FOCAD: variants seen among roughly 807,000 people sequenced by gnomAD.
FOCAD encodes the protein KIAA1797.
A neutral mutation model predicts 225.6 loss-of-function variants in FOCAD; 198 were observed. The ratio of observed to expected loss-of-function variants is 0.88; its 90% confidence interval spans 0.78 to 0.99. The LOEUF (loss-of-function observed/expected upper bound fraction) is 0.99, where lower values mean the gene tolerates loss of function less well. Among genes scored for constraint, FOCAD ranks in the 50% least tolerant of loss-of-function variants. FOCAD has a pLI of 0.00. For synonymous variants in FOCAD, 897 were observed against 755.0 expected (o/e 1.19, Z -3.08); for missense variants, 2,713 against 2,123.6 (o/e 1.28, Z -5.46).
At chr9:20,772,041 C>G (rs1027815005) in intron 8 of FOCAD, among the ~76,000 whole-genome samples, 1 of 152,106 alleles carries the variant, frequency 6.6e-6, no homozygotes, top group Non-Finnish European at 1.5e-5. Flanking sequence ...TGAGAGGACA[C>G]AGTTCAGCCC....
intron 4 of FOCAD, among the ~76,000 whole-genome samples, chr9:20,725,481 A>G (rs1013994845): frequency 2.0e-5 from 3 of 152,256 alleles, no homozygotes; most frequent in African/African-American, 7.2e-5. Context: ...ACAGCCTTCT[A>G]TAGAATAGAT....
intron 8 of FOCAD, among the ~76,000 whole-genome samples, chr9:20,771,496 C>T (rs1440587318): frequency 6.6e-6 from 1 of 152,166 alleles, no homozygotes; most frequent in African/African-American, 2.4e-5. Context: ...CAGTGGCTCT[C>T]ACCTGTAATC....
chr9:20,684,455 CCGCGTCGCGGCGAGGGG>C (rs1822535135), intron 1 of FOCAD, 162 bp downstream of exon 1: 1 of 152,920 alleles, frequency 6.5e-6, no homozygotes, highest in Non-Finnish European at 1.5e-5. Context: ...GGCGGCAGGG[CCGCGTCGCGGCGAGGGG>C]CAGCCGGGAG....
intron 28 of FOCAD, among the ~76,000 whole-genome samples, chr9:20,933,327 AT>A (rs1835663083): frequency 6.6e-6 from 1 of 152,108 alleles, no homozygotes; most frequent in Non-Finnish European, 1.5e-5. Flanking sequence ...ACAATTTGTC[AT>A]CTTTTGTCCC....
intron 15 of FOCAD, among the ~76,000 whole-genome samples, chr9:20,838,355 G>C (rs1235186499): frequency 2.0e-5 from 3 of 151,784 alleles, no homozygotes; most frequent in African/African-American, 7.3e-5. Context: ...TATGCCTTAG[G>C]TTCTAAATTC....
intron 4 of FOCAD, among the ~76,000 whole-genome samples, chr9:20,731,240 AAACAACAAC>A (rs146322610): frequency 0.018 from 2,733 of 150,354 alleles, 87 homozygotes; most frequent in African/African-American, 0.063. Context: ...TTTGTCTCCA[AAACAACAAC>A]AACAACAACA....
chr9:20,675,911 G>A lies in FOCAD; in HGVS notation c.-78+17085G>A, dbSNP rs1754050664. 2.6e-5 allele frequency among the ~76,000 whole-genome samples: 4 copies of A among 152,180 alleles called. No homozygotes were observed. In the South Asian group the frequency reaches 8.3e-4, roughly 31 times the overall value. On this transcript the variant is annotated intron_variant, in intron 2 of 45. Transcript: ENST00000380249. ...TCAGTTGCTTATTCAAGGAGTCAAC[G>A]CTGAGTTTAAAGTCACTGAAGAATT...
intron 35 of FOCAD, 132 bp from the exon 36 acceptor site, chr9:20,976,288 G>T: frequency 1.3e-6 from 1 of 786,732 alleles, no homozygotes; most frequent in Non-Finnish European, 2.0e-6. Flanking sequence ...GCACAGAATT[G>T]AAGCGTTGAT....
chr9:20,816,778 C>T (rs1020321398), intron 11 of FOCAD, among the ~76,000 whole-genome samples: 1 of 151,810 alleles, frequency 6.6e-6, no homozygotes, highest in African/African-American at 2.4e-5. Flanking sequence ...GCAGACAGAG[C>T]ATATTTGGGG....
chr9:20,930,705 T>C (rs1835385449), intron 27 of FOCAD, among the ~76,000 whole-genome samples: 1 of 152,172 alleles, frequency 6.6e-6, no homozygotes, highest in Non-Finnish European at 1.5e-5. Context: ...TGTCAGATGA[T>C]TGGGATTATT....
chr9:20,741,955 C>T (rs916151516), intron 5 of FOCAD, among the ~76,000 whole-genome samples: 1 of 152,012 alleles, frequency 6.6e-6, no homozygotes, highest in African/African-American at 2.4e-5. Context: ...TTTTATGTAA[C>T]AGTTTTATGG....
Position 20,975,793 on chromosome 9 carries a change from G to C in FOCAD, c.4133-627G>C, listed in dbSNP as rs1587762968. 2.6e-5 allele frequency among the ~76,000 whole-genome samples: 4 copies of C among 152,230 alleles called. No homozygotes were observed. The South Asian group carries it at 6.2e-4, about 24-fold the overall frequency. On this transcript the variant is annotated intron_variant, in intron 35 of 43. Coordinates refer to ENST00000338382, the MANE Select transcript of FOCAD (RefSeq NM_001375567.1). Reference sequence around the variant, plus strand: ...AAGTGAAACAAACCAGCCACAAAAAGATAAATATCACATATGTGGAAGCTA... The same window carrying C: ...AAGTGAAACAAACCAGCCACAAAAACATAAATATCACATATGTGGAAGCTA...
chr9:20,908,182 G>A (rs968461925), intron 22 of FOCAD, among the ~76,000 whole-genome samples: 2 of 152,060 alleles, frequency 1.3e-5, no homozygotes, highest in African/African-American at 2.4e-5. Flanking sequence ...TGATTATTAA[G>A]GATAATAGGA....
intron 15 of FOCAD, among the ~76,000 whole-genome samples, chr9:20,841,171 T>C (rs934757257): frequency 1.4e-4 from 21 of 152,012 alleles, no homozygotes; most frequent in African/African-American, 4.8e-4. Context: ...GATATTGGCC[T>C]GTAATTTTCT....
intron 18 of FOCAD, among the ~76,000 whole-genome samples, chr9:20,870,416 C>G (rs754023450): frequency 6.6e-6 from 1 of 152,144 alleles, no homozygotes; most frequent in East Asian, 1.9e-4. Flanking sequence ...AAAGGTTATC[C>G]GGCTCAGAAC....
At chr9:20,686,426 T>C (rs1330643612) in intron 1 of FOCAD, among the ~76,000 whole-genome samples, 2 of 152,196 alleles carry the variant, frequency 1.3e-5, no homozygotes, top group African/African-American at 2.4e-5. Context: ...CATCTTTCAG[T>C]TCTAGAAATG....
chr9:20,661,007 G>A (rs1319846660), intron 2 of FOCAD, among the ~76,000 whole-genome samples: 7 of 152,144 alleles, frequency 4.6e-5, no homozygotes, highest in Non-Finnish European at 1.0e-4. Flanking sequence ...AGCAGAAGAG[G>A]GGAGGTTTAA....
At position 20,981,624 on chromosome 9, in the gene FOCAD, C is replaced by A; in HGVS notation, c.4576C>A (p.Leu1526Ile). Residue 1526 changes from leucine to isoleucine, a missense_variant, in exon 38 of 44, where the codon CTC (leucine) becomes ATC (isoleucine). Coordinates refer to ENST00000338382, the MANE Select transcript of FOCAD (RefSeq NM_001375567.1). ...AMKLPSPAHH[L>I]WSLLSEATGK... The stretch of plus-strand genomic sequence containing the variant: ...GAAACTGCCCAGCCCTGCCCACCAC[C>A]TCTGGAGTCTGCTCTCTGAAGCTAC... 6.2e-7 allele frequency: 1 copy of A among 1,614,048 alleles called. No homozygotes were observed. The highest frequency in any genetic ancestry group is 8.5e-7 in the Non-Finnish European group (1 of 1,179,978).
chr9:20,715,362 T>C lies in FOCAD; in HGVS notation c.9T>C (p.Asp3=). MS[D]DIRKRFEFPN... ...ATGTAAGAGAAGCAAAAATGTCAGA[T>C]GATATCAGGAAAAGGTTTGAATTTC... Residue 3 remains aspartate, a synonymous_variant, in exon 2 of 44, where the codon GAT becomes GAC. Coordinates refer to ENST00000338382, the MANE Select transcript of FOCAD (RefSeq NM_001375567.1). The C allele has an allele frequency of 6.6e-7, 1 of 1,526,072 alleles. No homozygotes were observed. The highest frequency in any genetic ancestry group is 1.4e-5 in the African/African-American group (1 of 72,974). The allele number at this position is 1,526,072 out of a possible 1,614,324, so 94.5% of individuals were successfully genotyped here.
Sources: allele counts gnomAD v4.1 joint callset (sites outside exome capture counted in the v4.1 genomes callset), GRCh38; gene constraint gnomAD v4.1.1; transcripts MANE v1.5; gene names NCBI Gene and HGNC (gene_info 2026-07-23, HGNC 2026-07-21).